The following SLC7A14 variants were observed in gnomAD, a reference collection of about 807,000 sequenced individuals.
SLC7A14 encodes solute carrier family 7 member 14, also known as gamma-aminobutyric acid transporter SLC7A14.
SLC7A14 carries 37 observed loss-of-function variants against 60.2 expected under a neutral mutation model. The observed-to-expected ratio is 0.61, with a 90% confidence interval of 0.47 to 0.81. SLC7A14 has a LOEUF of 0.81. Among genes scored for constraint, SLC7A14 ranks in the 30% least tolerant of loss-of-function variants. The pLI is 0.00. For synonymous variants in SLC7A14, 399 were observed against 395.8 expected (o/e 1.01, Z -0.10); for missense variants, 886 against 982.7 (o/e 0.90, Z 1.32).
At chr3:170,553,285 T>C (rs1714398539) in intron 1 of SLC7A14, among the ~76,000 whole-genome samples, 1 of 152,238 alleles carries the variant, frequency 6.6e-6, no homozygotes, top group Admixed American at 6.5e-5. Flanking sequence ...TATTGCCATA[T>C]GTTCTTACAC....
At position 170,535,905 on chromosome 3, in the gene SLC7A14, CTT is replaced by C. The variant is rs1461483953; in HGVS notation, c.-152-8819_-152-8818del. Among the ~76,000 whole-genome samples, 2 of 152,182 alleles carry C rather than the reference CTT, an allele frequency of 1.3e-5. No individual in the cohort carries two copies. Among genetic ancestry groups the C allele is most frequent in the African/African-American group, 4.8e-5 (2 of 41,422 alleles). Reference sequence around the variant, plus strand: ...ATATATTAACAGTTCTTTTCACTAACTTTCCTCAAAATACCAGGCTTGAGTGT... The same window carrying C: ...ATATATTAACAGTTCTTTTCACTAACTCCTCAAAATACCAGGCTTGAGTGT... On this transcript the variant is annotated intron_variant, in intron 1 of 7. Transcript: ENST00000231706. This position sits in a 1 kb window ranked among gnomAD's most constrained non-coding sequence, Gnocchi z 4.3.
intron 1 of SLC7A14, among the ~76,000 whole-genome samples, chr3:170,536,774 T>A (rs1473321380): frequency 1.3e-5 from 2 of 152,240 alleles, no homozygotes; most frequent in Admixed American, 1.3e-4. Flanking sequence ...AGTGTACTCA[T>A]GAGAGATGCA....
intron 1 of SLC7A14, among the ~76,000 whole-genome samples, chr3:170,577,535 G>A (rs977927459): frequency 2.0e-5 from 3 of 150,192 alleles, no homozygotes; most frequent in African/African-American, 4.9e-5. Flanking sequence ...GGAGAATGGC[G>A]TGAACCCGGG....
At chr3:170,516,828 C>T (rs772290904) in intron 2 of SLC7A14, among the ~76,000 whole-genome samples, 9 of 152,094 alleles carry the variant, frequency 5.9e-5, no homozygotes, top group Non-Finnish European at 1.3e-4. Flanking sequence ...GCATGGGGGT[C>T]ATGGTCTCTG....
At chr3:170,472,537 G>T (rs933692100) in intron 7 of SLC7A14, among the ~76,000 whole-genome samples, 1 of 152,044 alleles carries the variant, frequency 6.6e-6, no homozygotes, top group Non-Finnish European at 1.5e-5. Flanking sequence ...AGGCGGAGGT[G>T]GGTGGATCAC....
chr3:170,548,819 A>G (rs545222254), intron 1 of SLC7A14, among the ~76,000 whole-genome samples: 1 of 152,320 alleles, frequency 6.6e-6, no homozygotes, highest in East Asian at 1.9e-4. Flanking sequence ...CTATGTCACC[A>G]CTATAAACTT....
Position 170,585,182 on chromosome 3 carries a change from T to A in SLC7A14, c.-153+729A>T, listed in dbSNP as rs944924070. ...TTTGGAATGGGAGAAGAGAGGAGAC[T>A]GAGGGTTGAAGCAGTGCAGGAGAGC... On this transcript the variant is annotated intron_variant, in intron 1 of 7. Coordinates refer to ENST00000231706, the MANE Select transcript of SLC7A14 (RefSeq NM_020949.3). The surrounding 1 kb of genome is among the most constrained non-coding windows in gnomAD (Gnocchi z 5.1). Among the ~76,000 whole-genome samples, 18 of 152,112 alleles carry A rather than the reference T, an allele frequency of 1.2e-4. No individual in the cohort carries two copies. The highest frequency in any genetic ancestry group is 4.1e-4 in the African/African-American group (17 of 41,452).
intron 1 of SLC7A14, among the ~76,000 whole-genome samples, chr3:170,566,599 C>T (rs1714795778): frequency 6.6e-6 from 1 of 152,182 alleles, no homozygotes; most frequent in Non-Finnish European, 1.5e-5. Flanking sequence ...GTTGTCAGAA[C>T]CTTCCATCAC....
intron 1 of SLC7A14, among the ~76,000 whole-genome samples, chr3:170,534,480 T>C (rs956796557): frequency 3.3e-5 from 5 of 152,186 alleles, no homozygotes; most frequent in African/African-American, 4.8e-5. Flanking sequence ...TGTGCACTTT[T>C]CTTATGAAGG....
intron 2 of SLC7A14, among the ~76,000 whole-genome samples, chr3:170,525,889 G>A (rs1316898176): frequency 6.6e-6 from 1 of 152,134 alleles, no homozygotes; most frequent in Non-Finnish European, 1.5e-5. Context: ...TGGCCAACAT[G>A]GTGAAACCCT....
At chr3:170,556,836 T>G (rs368078391) in intron 1 of SLC7A14, among the ~76,000 whole-genome samples, 7 of 152,166 alleles carry the variant, frequency 4.6e-5, no homozygotes, top group African/African-American at 1.4e-4. Flanking sequence ...GGAAGCCACT[T>G]CATTGGTTTT....
At chr3:170,565,237 C>T (rs191754331) in intron 1 of SLC7A14, among the ~76,000 whole-genome samples, 196 of 152,150 alleles carry the variant, frequency 1.3e-3, no homozygotes, top group Admixed American at 2.8e-3. Context: ...CTGGGCTCTT[C>T]GCTAGCTGAG....
chr3:170,521,606 A>G (rs1713340371), intron 2 of SLC7A14, among the ~76,000 whole-genome samples: 1 of 152,224 alleles, frequency 6.6e-6, no homozygotes, highest in Non-Finnish European at 1.5e-5. Flanking sequence ...AGTGATTAAT[A>G]AGAAAATAAA....
chr3:170,509,292 G>T (rs1261659403), intron 2 of SLC7A14, among the ~76,000 whole-genome samples: 1 of 152,176 alleles, frequency 6.6e-6, no homozygotes, highest in Non-Finnish European at 1.5e-5. Context: ...AACCACCTGT[G>T]TTTAGGGGAC....
chr3:170,503,536 T>A (rs532331854), intron 2 of SLC7A14, among the ~76,000 whole-genome samples: 1 of 152,346 alleles, frequency 6.6e-6, no homozygotes, highest in African/African-American at 2.4e-5. Context: ...CTCACTTCCC[T>A]GCTTTGGTAT....
intron 1 of SLC7A14, among the ~76,000 whole-genome samples, chr3:170,538,021 C>T (rs1013625690): frequency 1.3e-5 from 2 of 152,112 alleles, no homozygotes; most frequent in African/African-American, 4.8e-5. Context: ...GAGATTTGGC[C>T]TCAATAGGAA....
chr3:170,483,346 A>T lies in SLC7A14; in HGVS notation c.1083T>A (p.Ile361=), dbSNP rs147666717. 627 of 1,614,114 alleles carry T rather than the reference A, an allele frequency of 3.9e-4. 3 individuals are homozygous for T. The African/African-American group carries it at 7.6e-3, about 19-fold the overall frequency. The stretch of plus-strand genomic sequence containing the variant: ...GGAGCCCGTCACCAGCCATGGCATA[A>T]ATGACCCTCGGCATCGGGAAGAGGG... ...LGSLFPMPRV[I]YAMAGDGLLF... Residue 361 remains isoleucine (I), a synonymous_variant, in exon 6 of 8, where the codon ATT becomes ATA. Coordinates refer to ENST00000231706, the MANE Select transcript of SLC7A14 (RefSeq NM_020949.3).
At chr3:170,512,511 C>A (rs899876327) in intron 2 of SLC7A14, among the ~76,000 whole-genome samples, 3 of 152,088 alleles carry the variant, frequency 2.0e-5, no homozygotes, top group Non-Finnish European at 4.4e-5. Flanking sequence ...GGTTACAGTG[C>A]CTACTTCTGG....
intron 1 of SLC7A14, among the ~76,000 whole-genome samples, chr3:170,529,251 T>C (rs1028539624): frequency 6.6e-6 from 1 of 152,250 alleles, no homozygotes; most frequent in Non-Finnish European, 1.5e-5. Flanking sequence ...CCTATTTGAA[T>C]GGACATATAT....
Sources: gnomAD v4.1 joint callset for allele counts (sites outside exome capture counted in the v4.1 genomes callset) on GRCh38, gnomAD v4.1.1 for gene constraint, Gnocchi (gnomAD v3.1) non-coding constraint, MANE v1.5 for transcripts, NCBI Gene and HGNC (gene_info 2026-07-23, HGNC 2026-07-21) for gene names.